The following SNTG1 variants were observed in gnomAD, a reference collection of about 807,000 sequenced individuals.
SNTG1 encodes gamma-1-syntrophin.
SNTG1 carries 39 observed loss-of-function variants against 74.7 expected under a neutral mutation model. That is an observed-to-expected ratio of 0.52 (90% CI 0.40 to 0.68). The LOEUF (loss-of-function observed/expected upper bound fraction) is 0.68. SNTG1 is among the 30% of genes least tolerant of loss of function. SNTG1 has a pLI of 0.00. For missense variants in SNTG1, 685 were observed against 609.5 expected, an observed-to-expected ratio of 1.12 and a Z score of -1.30; for synonymous variants, 254 against 217.1, an observed-to-expected ratio of 1.17 and a Z score of -1.49.
intron 1 of SNTG1, among the ~76,000 whole-genome samples, chr8:50,169,612 G>C (rs553442232): frequency 6.6e-6 from 1 of 152,122 alleles, no homozygotes; most frequent in East Asian, 1.9e-4. Context: ...AAATCCCTCC[G>C]TTATTCTAGT....
chr8:50,389,384 G>A (rs1031006887), intron 2 of SNTG1, among the ~76,000 whole-genome samples: 3 of 152,066 alleles, frequency 2.0e-5, no homozygotes, highest in African/African-American at 7.2e-5. Flanking sequence ...ATACTTAATC[G>A]ATTGTATGAC....
At chr8:49,951,493 A>G (rs1809694236) in intron 1 of SNTG1, among the ~76,000 whole-genome samples, 1 of 152,062 alleles carries the variant, frequency 6.6e-6, no homozygotes, top group Non-Finnish European at 1.5e-5. Flanking sequence ...CTGATTCCTT[A>G]GAAGTATCGC....
intron 1 of SNTG1, among the ~76,000 whole-genome samples, chr8:50,134,299 T>G (rs1156696307): frequency 6.6e-6 from 1 of 152,108 alleles, no homozygotes; most frequent in Non-Finnish European, 1.5e-5. Flanking sequence ...ATCTGCGTGG[T>G]TAATAAGTGT....
chr8:50,552,142 T>C (rs1474777030), intron 11 of SNTG1, among the ~76,000 whole-genome samples: 1 of 152,168 alleles, frequency 6.6e-6, no homozygotes, highest in Non-Finnish European at 1.5e-5. Context: ...GGAATTGAAA[T>C]ATAGTTTGTG....
chr8:50,275,307 T>C (rs530633792), intron 2 of SNTG1, among the ~76,000 whole-genome samples: 376 of 152,338 alleles, frequency 2.5e-3, no homozygotes, highest in Non-Finnish European at 4.1e-3. Flanking sequence ...ATAGTTAGAT[T>C]ACCTACAATA....
At chr8:50,459,984 G>A (rs2093545187) in intron 8 of SNTG1, among the ~76,000 whole-genome samples, 2 of 152,158 alleles carry the variant, frequency 1.3e-5, no homozygotes, top group Non-Finnish European at 2.9e-5. Context: ...GAATGCGTGT[G>A]TCTTTTCTGT....
chr8:50,747,166 C>T (rs1285617728), intron 17 of SNTG1, among the ~76,000 whole-genome samples: 1 of 151,674 alleles, frequency 6.6e-6, no homozygotes. Flanking sequence ...ATTCTTGGAG[C>T]TACAAATCTG....
At chr8:50,281,844 G>A (rs569162811) in intron 2 of SNTG1, among the ~76,000 whole-genome samples, 1 of 152,272 alleles carries the variant, frequency 6.6e-6, no homozygotes, top group Non-Finnish European at 1.5e-5. Context: ...TATAGGATCT[G>A]TTAAAGTCCA....
chr8:50,510,208 G>C (rs984959878), intron 9 of SNTG1, among the ~76,000 whole-genome samples: 1 of 152,078 alleles, frequency 6.6e-6, no homozygotes, highest in African/African-American at 2.4e-5. Flanking sequence ...TTTATATGCT[G>C]GATTACATTC....
At chr8:50,352,637 C>T (rs537759695) in intron 2 of SNTG1, among the ~76,000 whole-genome samples, 6 of 152,098 alleles carry the variant, frequency 3.9e-5, no homozygotes, top group African/African-American at 9.7e-5. Context: ...GTGATCCACC[C>T]GCCTCAGCTT....
chr8:50,142,548 T>G (rs2081701782), intron 1 of SNTG1, among the ~76,000 whole-genome samples: 1 of 151,866 alleles, frequency 6.6e-6, no homozygotes, highest in South Asian at 2.1e-4. Context: ...TATTTATTTT[T>G]TAAGAAAAGG....
chr8:50,450,454 A>C (rs2093445411), intron 6 of SNTG1, 102 bp from the exon 7 acceptor site: 1 of 1,241,162 alleles, frequency 8.1e-7, no homozygotes, highest in Admixed American at 1.9e-5. Context: ...TAAGACACTT[A>C]ATTTTTATAT....
At chr8:50,716,408 TA>T (rs1320038273) in intron 17 of SNTG1, among the ~76,000 whole-genome samples, 1 of 151,408 alleles carries the variant, frequency 6.6e-6, no homozygotes, top group African/African-American at 2.4e-5. Flanking sequence ...ATTATATATA[TA>T]TTTTTTCTTT....
intron 1 of SNTG1, among the ~76,000 whole-genome samples, chr8:49,936,577 C>CT (rs1458904501): frequency 6.6e-6 from 1 of 152,082 alleles, no homozygotes; most frequent in East Asian, 1.9e-4. Flanking sequence ...ACTATTTATG[C>CT]TTTTTTACAA....
chr8:50,665,872 G>T (rs942706039), intron 15 of SNTG1, among the ~76,000 whole-genome samples: 2 of 152,082 alleles, frequency 1.3e-5, no homozygotes, highest in African/African-American at 4.8e-5. Context: ...TAGTTTCAAA[G>T]TACCTCCTCA....
intron 1 of SNTG1, among the ~76,000 whole-genome samples, chr8:50,025,628 T>G (rs1817199423): frequency 6.6e-6 from 1 of 152,206 alleles, no homozygotes; most frequent in Admixed American, 6.5e-5. Flanking sequence ...TCGGTATTTT[T>G]AAGCCTTTCG....
chr8:50,552,846 C>T (rs1026606416), intron 11 of SNTG1, among the ~76,000 whole-genome samples: 2 of 152,090 alleles, frequency 1.3e-5, no homozygotes, highest in South Asian at 2.1e-4. Flanking sequence ...ATGCTTCCTA[C>T]GAAATTGAAA....
intron 2 of SNTG1, among the ~76,000 whole-genome samples, chr8:50,288,387 G>C (rs1419365642): frequency 6.6e-6 from 1 of 152,022 alleles, no homozygotes; most frequent in Non-Finnish European, 1.5e-5. Context: ...TGGTCTAATT[G>C]GTTTATTTGT....
chr8:50,207,824 C>A (rs10099138), intron 2 of SNTG1, among the ~76,000 whole-genome samples: 65,438 of 151,956 alleles, frequency 0.43, 17,823 homozygotes, highest in African/African-American at 0.78. Flanking sequence ...TCTTTATGTA[C>A]CCAGTAGTCA....
Sources: allele counts gnomAD v4.1 joint callset (sites outside exome capture counted in the v4.1 genomes callset), GRCh38; gene constraint gnomAD v4.1.1; transcripts MANE v1.5; gene names NCBI Gene and HGNC (gene_info 2026-07-23, HGNC 2026-07-21).